The following SDK1 variants were observed in gnomAD, a reference collection of about 807,000 sequenced individuals.
SDK1 encodes protein sidekick-1.
In SDK1, 157 loss-of-function variants were observed where a neutral mutation model predicts 245.5. The observed-to-expected ratio is 0.64, with a 90% CI of 0.56 to 0.73. The LOEUF (loss-of-function observed/expected upper bound fraction) is 0.73, where lower values mean the gene tolerates loss of function less well. Ranked by LOEUF, SDK1 falls within the 30% of genes least tolerant of loss-of-function variation. The pLI, the probability that SDK1 is intolerant of heterozygous loss-of-function variation, is 0.00. For synonymous variants in SDK1, 1,647 were observed against 1,278.5 expected, an observed-to-expected ratio of 1.29 and a Z score of -6.15; for missense variants, 3,583 against 3,002.3, an observed-to-expected ratio of 1.19 and a Z score of -4.52.
At chr7:3,862,469 A>G (rs1221476401) in intron 5 of SDK1, among the ~76,000 whole-genome samples, 7 of 152,338 alleles carry the variant, frequency 4.6e-5, no homozygotes, top group Admixed American at 4.6e-4. Flanking sequence ...GTGTTAATGC[A>G]TAACATAACT....
At chr7:4,260,095 T>C (rs571062648) in intron 44 of SDK1, among the ~76,000 whole-genome samples, 1 of 151,270 alleles carries the variant, frequency 6.6e-6, no homozygotes, top group Admixed American at 6.6e-5. Flanking sequence ...GGGGTCTCTG[T>C]GTGTGTGGGA....
At chr7:3,729,325 G>T (rs561581310) in intron 4 of SDK1, among the ~76,000 whole-genome samples, 2 of 152,302 alleles carry the variant, frequency 1.3e-5, no homozygotes, top group Admixed American at 1.3e-4. Context: ...TAATGGTTCT[G>T]TTGTTGAAAG....
At chr7:4,065,248 C>T (rs765063301) in intron 19 of SDK1, among the ~76,000 whole-genome samples, 3 of 152,074 alleles carry the variant, frequency 2.0e-5, no homozygotes, top group Non-Finnish European at 2.9e-5. Context: ...GCTGGAGAAA[C>T]GGCCTCCTTT....
chr7:3,364,070 CTTGT>C (rs1459287405), intron 1 of SDK1, among the ~76,000 whole-genome samples: 3 of 152,146 alleles, frequency 2.0e-5, no homozygotes, highest in Admixed American at 2.0e-4. Flanking sequence ...TTTTCATGTG[CTTGT>C]TTGTCATCTC....
chr7:3,802,490 A>G (rs1779132255), intron 4 of SDK1, among the ~76,000 whole-genome samples: 3 of 152,054 alleles, frequency 2.0e-5, no homozygotes, highest in South Asian at 2.1e-4. Flanking sequence ...AGCCATGATC[A>G]TGCCGTTGCA....
intron 16 of SDK1, among the ~76,000 whole-genome samples, chr7:4,014,838 T>C (rs893461094): frequency 5.9e-5 from 9 of 152,152 alleles, no homozygotes; most frequent in Admixed American, 2.6e-4. Flanking sequence ...GTGACCTTCT[T>C]AGACATCCTG....
chr7:3,885,153 C>T (rs1270195499), intron 5 of SDK1, among the ~76,000 whole-genome samples: 1 of 152,154 alleles, frequency 6.6e-6, no homozygotes, highest in East Asian at 1.9e-4. Context: ...GAGGGATGTC[C>T]ACAACGCGAG....
At chr7:4,134,898 A>C (rs1778958183) in intron 28 of SDK1, 1 of 152,318 alleles carries the variant, frequency 6.6e-6, no homozygotes, top group Non-Finnish European at 1.5e-5. Context: ...GTCCTTGCAC[A>C]CGTGGGGAGG....
At chr7:3,603,341 A>G (rs577114865) in intron 1 of SDK1, among the ~76,000 whole-genome samples, 3 of 149,916 alleles carry the variant, frequency 2.0e-5, no homozygotes, top group African/African-American at 4.9e-5. Context: ...ATTTGTTTGT[A>G]TCCTCTTTTA....
At chr7:4,216,670 G>A (rs1784815399) in intron 38 of SDK1, among the ~76,000 whole-genome samples, 2 of 152,180 alleles carry the variant, frequency 1.3e-5, no homozygotes, top group African/African-American at 2.4e-5. Flanking sequence ...AAAGTAAACA[G>A]TGATCTCACC....
chr7:3,880,513 C>T (rs923509635), intron 5 of SDK1, among the ~76,000 whole-genome samples: 2 of 140,518 alleles, frequency 1.4e-5, no homozygotes, highest in Admixed American at 7.3e-5. Context: ...TGCGCAGATG[C>T]GTGGTGACAT....
chr7:3,932,859 G>C (rs1780026892), intron 5 of SDK1, among the ~76,000 whole-genome samples: 2 of 152,276 alleles, frequency 1.3e-5, no homozygotes, highest in Non-Finnish European at 2.9e-5. Flanking sequence ...CCCAAAAGAA[G>C]CCAACACCCA....
chr7:3,380,410 T>C (rs1033515869), intron 1 of SDK1, among the ~76,000 whole-genome samples: 1 of 152,266 alleles, frequency 6.6e-6, no homozygotes, highest in African/African-American at 2.4e-5. Context: ...CACAGCGTTT[T>C]AAGAGTTACA....
At chr7:3,769,856 C>A (rs1304070398) in intron 4 of SDK1, among the ~76,000 whole-genome samples, 1 of 151,634 alleles carries the variant, frequency 6.6e-6, no homozygotes, top group Non-Finnish European at 1.5e-5. Flanking sequence ...AGTTTTCCTG[C>A]TTGTTCACAA....
At position 4,121,073 on chromosome 7, in the gene SDK1, A is replaced by T. The variant is rs1179942361; in HGVS notation, c.3824-6308A>T. Among the ~76,000 whole-genome samples, 14 of 152,094 alleles carry T rather than the reference A, an allele frequency of 9.2e-5. 1 individual carries two copies. On this transcript the variant is annotated intron_variant, in intron 25 of 44. Transcript: ENST00000404826. ...AGGATAATATTTTATGTGTAAATGT[A>T]TTCCAGGGTTTTTCTTCTGACTTTG...
At chr7:3,663,860 G>T (rs80143411) in intron 4 of SDK1, among the ~76,000 whole-genome samples, 1,910 of 152,306 alleles carry the variant, frequency 0.013, 45 homozygotes, top group African/African-American at 0.043. Context: ...AGGCAGAAAG[G>T]TTTCATGAAC....
chr7:3,357,068 A>AG (rs2128559627), intron 1 of SDK1, among the ~76,000 whole-genome samples: 1 of 151,616 alleles, frequency 6.6e-6, no homozygotes, highest in South Asian at 2.1e-4. Flanking sequence ...AAAAAAAAAA[A>AG]AAAAAAAGAT....
intron 19 of SDK1, among the ~76,000 whole-genome samples, chr7:4,057,109 C>T (rs1779254561): frequency 6.6e-6 from 1 of 152,228 alleles, no homozygotes; most frequent in Admixed American, 6.5e-5. Context: ...GGGTCTGAAG[C>T]ACACCTCCCC....
intron 1 of SDK1, among the ~76,000 whole-genome samples, chr7:3,435,042 T>G (rs1779977881): frequency 6.6e-6 from 1 of 152,214 alleles, no homozygotes; most frequent in African/African-American, 2.4e-5. Flanking sequence ...CAAAGTTATA[T>G]CCCAAAAGTA....
Sources: allele counts gnomAD v4.1 joint callset (sites outside exome capture counted in the v4.1 genomes callset), GRCh38; gene constraint gnomAD v4.1.1; transcripts MANE v1.5; gene names NCBI Gene and HGNC (gene_info 2026-07-23, HGNC 2026-07-21).